Variants in ADGRA1 observed in about 807,000 individuals in gnomAD.
ADGRA1 encodes adhesion G protein-coupled receptor A1, also known as G-protein coupled receptor 123.
A neutral mutation model predicts 21.3 loss-of-function variants in ADGRA1; 12 were observed. The observed-to-expected ratio is 0.56, with a 90% CI of 0.36 to 0.91. The LOEUF (loss-of-function observed/expected upper bound fraction) is 0.91. Among genes scored for constraint, ADGRA1 ranks in the 40% least tolerant of loss-of-function variants. The pLI is 0.01. For synonymous variants in ADGRA1, 385 were observed against 368.8 expected (o/e 1.04, Z -0.50); for missense variants, 790 against 805.6 (o/e 0.98, Z 0.23).
intron 5 of ADGRA1, among the ~76,000 whole-genome samples, chr10:133,108,654 G>T (rs1851933552): frequency 6.6e-6 from 1 of 152,140 alleles, no homozygotes; most frequent in Non-Finnish European, 1.5e-5. Flanking sequence ...TCTGTTGCAA[G>T]ACTCTGTTGC....
intron 5 of ADGRA1, among the ~76,000 whole-genome samples, chr10:133,106,935 G>A (rs532734366): frequency 8.4e-4 from 128 of 152,366 alleles, no homozygotes; most frequent in African/African-American, 2.7e-3. Context: ...GTTAAGAAGC[G>A]TCACCGTTTC....
chr10:133,110,484 C>G (rs777847403), intron 5 of ADGRA1, among the ~76,000 whole-genome samples: 1 of 152,246 alleles, frequency 6.6e-6, no homozygotes, highest in Admixed American at 6.5e-5. Context: ...AGCCACTGAC[C>G]CAGGCACCTG....
chr10:133,115,353 A>G (rs1395645584), intron 5 of ADGRA1, among the ~76,000 whole-genome samples: 4 of 152,198 alleles, frequency 2.6e-5, no homozygotes, highest in Non-Finnish European at 5.9e-5. Context: ...ACGGGCAGGC[A>G]CAGGGAGCGG....
At position 133,118,312 on chromosome 10, in the gene ADGRA1, C is replaced by T. The variant is rs565003100; in HGVS notation, c.402-8921C>T. Among the ~76,000 whole-genome samples the T allele has an allele frequency of 2.6e-5, 4 of 152,288 alleles. No individual in the cohort carries two copies. The South Asian group carries it at 8.3e-4, about 32-fold the overall frequency. On this transcript the variant is annotated intron_variant, in intron 5 of 6. Coordinates refer to ENST00000392607, the MANE Select transcript of ADGRA1 (RefSeq NM_001083909.3). ...TGTTTCTTTAGACATAATGCTATTGCACACTTAGTCAACTACAGTAGAGTA... is the reference window on the plus strand; with the variant it reads ...TGTTTCTTTAGACATAATGCTATTGTACACTTAGTCAACTACAGTAGAGTA...
At position 133,128,940 on chromosome 10, in the gene ADGRA1, A is replaced by G. The variant is rs539954992; in HGVS notation, c.1112A>G (p.Gln371Arg). The G allele has an allele frequency of 2.6e-6, 4 of 1,557,738 alleles. No homozygotes were observed. The highest frequency in any genetic ancestry group is 1.2e-5 in the South Asian group (1 of 84,876). Residue 371 changes from glutamine to arginine, a missense_variant, in exon 7 of 7, where the codon CAG becomes CGG. Around this residue, in one of 3 missense-constraint regions of ADGRA1, gnomAD observed 391 missense variants for 351.5 expected, o/e 1.11. Transcript: ENST00000392607. ...PCKMTNLQAA[Q>R]GHASCLSPAT... ...AAGATGACCAACCTGCAGGCCGCGC[A>G]GGGCCACGCCAGTTGCCTGTCACCG...
chr10:133,111,177 G>GGGAACCACCCCTCCTAATCCCACC (rs1564848892), intron 5 of ADGRA1, among the ~76,000 whole-genome samples: 2 of 40,546 alleles, frequency 4.9e-5, no homozygotes, highest in African/African-American at 1.7e-4. Flanking sequence ...TGCCCGCCGT[G>GGGAACCACCCCTCCTAATCCCACC]AGCACCTCCC....
chr10:133,127,622 G>A (rs1163632854), intron 6 of ADGRA1, among the ~76,000 whole-genome samples: 1 of 152,112 alleles, frequency 6.6e-6, no homozygotes, highest in Non-Finnish European at 1.5e-5. Flanking sequence ...ACAGCACAGA[G>A]CTCAGCTGAG....
intron 3 of ADGRA1, among the ~76,000 whole-genome samples, chr10:133,098,143 C>T (rs1851720625): frequency 6.6e-6 from 1 of 152,196 alleles, no homozygotes; most frequent in South Asian, 2.1e-4. Flanking sequence ...GGGCCCCAGA[C>T]ATGGTGGTGG....
At chr10:133,105,411 G>C (rs189378285) in intron 5 of ADGRA1, among the ~76,000 whole-genome samples, 3 of 152,100 alleles carry the variant, frequency 2.0e-5, no homozygotes, top group African/African-American at 7.2e-5. Flanking sequence ...GGCTGTCCCC[G>C]AGAAGCAGCT....
intron 5 of ADGRA1, among the ~76,000 whole-genome samples, chr10:133,105,022 C>T (rs1170962380): frequency 6.6e-6 from 1 of 152,250 alleles, no homozygotes; most frequent in Non-Finnish European, 1.5e-5. Context: ...ACCAGGAAAC[C>T]TCCTCATCAG....
At chr10:133,125,936 G>A (rs1274796636) in intron 5 of ADGRA1, among the ~76,000 whole-genome samples, 1 of 152,218 alleles carries the variant, frequency 6.6e-6, no homozygotes, top group African/African-American at 2.4e-5. Context: ...CACTGCTAAA[G>A]TTCTCTCTTT....
intron 5 of ADGRA1, among the ~76,000 whole-genome samples, chr10:133,118,904 G>A (rs9419115): frequency 0.2 from 29,638 of 151,614 alleles, 3,717 homozygotes; most frequent in East Asian, 0.57. Context: ...ACTCACACAC[G>A]TACACTCACA....
At chr10:133,123,364 C>A (rs532040358) in intron 5 of ADGRA1, among the ~76,000 whole-genome samples, 1 of 152,238 alleles carries the variant, frequency 6.6e-6, no homozygotes, top group Non-Finnish European at 1.5e-5. Flanking sequence ...GCGGCAGAGA[C>A]TTTCCCTTTC....
Position 133,112,014 on chromosome 10 carries a change from C to CTCCCTCCT in ADGRA1, c.401+9172_401+9173insTCCCTCCT. ...TAATGCCTCCAGACCACCTGCCCAC[C>CTCCCTCCT]ACAGACACCTCCCTCCTAATGCCTC... On this transcript the variant is annotated intron_variant, in intron 5 of 6. Transcript: ENST00000392607. Among the ~76,000 whole-genome samples, 19 of 127,606 alleles carry CTCCCTCCT rather than the reference C, an allele frequency of 1.5e-4. 7 individuals are homozygous for CTCCCTCCT. Among genetic ancestry groups the CTCCCTCCT allele is most frequent in the African/African-American group, 5.7e-4 (18 of 31,702 alleles). 83.7% of individuals were successfully genotyped at this position (127,606 alleles called of 152,430 possible).
At chr10:133,097,228 A>T in intron 3 of ADGRA1, 127 bp downstream of exon 3, 1 of 1,178,302 alleles carries the variant, frequency 8.5e-7, no homozygotes, top group Non-Finnish European at 1.2e-6. Flanking sequence ...GGTACAACTC[A>T]GGTCACCAGC....
intron 5 of ADGRA1, among the ~76,000 whole-genome samples, chr10:133,119,971 A>G (rs1852225620): frequency 1.3e-5 from 2 of 152,294 alleles, no homozygotes; most frequent in South Asian, 4.1e-4. Context: ...CTTCAACTCA[A>G]AGTTCCTGGC....
intron 5 of ADGRA1, among the ~76,000 whole-genome samples, chr10:133,119,577 A>T (rs1852219514): frequency 6.6e-6 from 1 of 152,192 alleles, no homozygotes; most frequent in Non-Finnish European, 1.5e-5. Flanking sequence ...AATAGTCTCA[A>T]TCCTTTGTTG....
Position 133,128,934 on chromosome 10 carries a change from C to A in ADGRA1, c.1106C>A (p.Ala369Asp). The A allele has an allele frequency of 6.4e-7, 1 of 1,553,396 alleles. No individual in the cohort carries two copies. Residue 369 changes from alanine to aspartate, a missense_variant, in exon 7 of 7, where the codon GCC becomes GAC. Ala to Asp is a moderately radical substitution (Grantham distance 126). This residue lies in a region of ADGRA1 where 391 missense variants were observed against 351.5 expected (regional missense o/e 1.11). Coordinates refer to ENST00000392607, the MANE Select transcript of ADGRA1 (RefSeq NM_001083909.3). ...CCCTGCAAGATGACCAACCTGCAGG[C>A]CGCGCAGGGCCACGCCAGTTGCCTG... The part of the protein sequence containing the change: ...PGPCKMTNLQ[A>D]AQGHASCLSP...
At chr10:133,103,736 G>A (rs189523359) in intron 5 of ADGRA1, among the ~76,000 whole-genome samples, 1 of 152,344 alleles carries the variant, frequency 6.6e-6, no homozygotes, top group Admixed American at 6.5e-5. Context: ...CTTTAGACGG[G>A]GGTCTGGCCG....
Sources: gnomAD v4.1 joint callset for allele counts (sites outside exome capture counted in the v4.1 genomes callset) on GRCh38, gnomAD v4.1.1 for gene constraint, gnomAD v4.1.1 regional missense constraint, MANE v1.5 for transcripts, NCBI Gene and HGNC (gene_info 2026-07-23, HGNC 2026-07-21) for gene names.